Variants in CAPN3 observed in about 807,000 individuals in gnomAD.
CAPN3 encodes the protein calpain-3.
Under a neutral mutation model 114.0 loss-of-function variants are expected in CAPN3, and 88 were observed. That is an observed-to-expected ratio of 0.77 (90% CI 0.65 to 0.92). The LOEUF (loss-of-function observed/expected upper bound fraction) is 0.92, where lower values mean the gene tolerates loss of function less well. Ranked by LOEUF, CAPN3 falls within the 40% of genes least tolerant of loss-of-function variation. The pLI is 0.00. For synonymous variants in CAPN3, 386 were observed against 382.9 expected (o/e 1.01, Z -0.09); for missense variants, 1,028 against 1,069.0 (o/e 0.96, Z 0.53).
At chr15:42,408,785 G>A (rs867991101) in intron 16 of CAPN3, 8 of 323,078 alleles carry the variant, frequency 2.5e-5, no homozygotes, top group African/African-American at 1.3e-4. Context: ...GTGAGCCTTA[G>A]AGGCAAAAGT....
In CAPN3 at chr15:42,408,201, C is replaced by G. The variant is rs200931166; in HGVS notation, c.1801-10C>G. The G allele has an allele frequency of 8.8e-6, 14 of 1,597,508 alleles. No homozygotes were observed. The highest frequency in any genetic ancestry group is 1.2e-5 in the Non-Finnish European group (14 of 1,165,788). On this transcript the variant is annotated splice_polypyrimidine_tract_variant and intron_variant, in intron 15 of 23. Coordinates refer to ENST00000397163, the MANE Select transcript of CAPN3 (RefSeq NM_000070.3). Reference sequence around the variant, plus strand: ...TCCCTTCCTTCCTGCCTCCTCCCTCCTCTCTCCAGCCCATCATCTTCGTTT... The same window carrying G: ...TCCCTTCCTTCCTGCCTCCTCCCTCGTCTCTCCAGCCCATCATCTTCGTTT...
At chr15:42,390,510 G>A (rs1439395268) in intron 6 of CAPN3, among the ~76,000 whole-genome samples, 1 of 151,936 alleles carries the variant, frequency 6.6e-6, no homozygotes, top group African/African-American at 2.4e-5. Context: ...TTCAATATTT[G>A]TGGAAAAAGC....
chr15:42,374,987 AT>A (rs1175653109), intron 1 of CAPN3, among the ~76,000 whole-genome samples: 3 of 28,710 alleles, frequency 1.0e-4, no homozygotes, highest in South Asian at 1.6e-3. Flanking sequence ...TTAAATAAAA[AT>A]TTATTTATTT....
intron 1 of CAPN3, among the ~76,000 whole-genome samples, chr15:42,383,813 T>A (rs1196702631): frequency 6.6e-6 from 1 of 151,768 alleles, no homozygotes; most frequent in Non-Finnish European, 1.5e-5. Context: ...CCTCAAGTGA[T>A]CCACCCGCCT....
chr15:42,410,751 C>G, intron 21 of CAPN3, 85 bp downstream of exon 21: 3 of 1,367,432 alleles, frequency 2.2e-6, no homozygotes, highest in Non-Finnish European at 3.1e-6. Context: ...TAGGGCCCCA[C>G]TAGAGAAAGG....
intron 5 of CAPN3, 99 bp from the exon 6 acceptor site, chr15:42,389,854 C>G (rs1434094438): frequency 8.8e-6 from 11 of 1,251,280 alleles, no homozygotes; most frequent in Non-Finnish European, 1.0e-5. Context: ...CTCCCTTTGT[C>G]TGTCCCATCT....
intron 2 of CAPN3, chr15:42,385,569 A>C: frequency 2.1e-6 from 1 of 465,520 alleles, no homozygotes; most frequent in Admixed American, 2.2e-5. Flanking sequence ...GAAAGAGAGC[A>C]AAGTGTTACC....
chr15:42,407,738 T>C (rs1395979234), intron 15 of CAPN3, among the ~76,000 whole-genome samples: 1 of 152,334 alleles, frequency 6.6e-6, no homozygotes, highest in Admixed American at 6.5e-5. Context: ...ATCTATACTT[T>C]GCAGGGTTGT....
At chr15:42,380,752 T>TATATATATATATATA (rs1491298329) in intron 1 of CAPN3, among the ~76,000 whole-genome samples, 5 of 37,788 alleles carry the variant, frequency 1.3e-4, no homozygotes, top group African/African-American at 7.9e-4. Flanking sequence ...TATATATATA[T>TATATATATATATATA]TTTTTTTTTT....
At chr15:42,380,752 T>TATATATATA (rs1491298329) in intron 1 of CAPN3, among the ~76,000 whole-genome samples, 1 of 37,836 alleles carries the variant, frequency 2.6e-5, no homozygotes, top group Non-Finnish European at 4.2e-5. Flanking sequence ...TATATATATA[T>TATATATATA]TTTTTTTTTT....
chr15:42,366,770 AC>A (rs929713124), intron 1 of CAPN3, among the ~76,000 whole-genome samples: 1 of 147,254 alleles, frequency 6.8e-6, no homozygotes, highest in Non-Finnish European at 1.5e-5. Flanking sequence ...GCTTGTGACG[AC>A]CCCTAACCTG....
intron 1 of CAPN3, among the ~76,000 whole-genome samples, chr15:42,380,625 ATG>A (rs1464517969): frequency 7.0e-6 from 1 of 142,892 alleles, no homozygotes; most frequent in Non-Finnish European, 1.5e-5. Context: ...ATGTATGTAT[ATG>A]TGTGTGTATA....
intron 1 of CAPN3, among the ~76,000 whole-genome samples, chr15:42,373,693 C>T (rs4516202): frequency 0.053 from 7,998 of 152,226 alleles, 650 homozygotes; most frequent in African/African-American, 0.17. Flanking sequence ...CAGGGACTTC[C>T]ATCTGCAGTC....
At position 42,410,541 on chromosome 15, in the gene CAPN3, T is replaced by G. The variant is rs758719267; in HGVS notation, c.2184+45T>G. The G allele has an allele frequency of 6.3e-5, 102 of 1,611,184 alleles. No homozygotes were observed. The East Asian group carries it at 1.6e-3, about 25-fold the overall frequency. On this transcript the variant is annotated intron_variant, in intron 20 of 23. Coordinates refer to ENST00000397163, the MANE Select transcript of CAPN3 (RefSeq NM_000070.3). The stretch of plus-strand genomic sequence containing the variant: ...CGTGGGAGTCAAGAATGGGGTTGAT[T>G]TGGAGATTCAGTGTGTGACCTCCAT...
At chr15:42,407,754 T>C (rs915521057) in intron 15 of CAPN3, among the ~76,000 whole-genome samples, 1 of 152,166 alleles carries the variant, frequency 6.6e-6, no homozygotes, top group Non-Finnish European at 1.5e-5. Context: ...GTTGTAGAGG[T>C]TCCTTTGAGG....
intron 3 of CAPN3, among the ~76,000 whole-genome samples, chr15:42,387,237 T>C (rs1212995236): frequency 6.6e-6 from 1 of 152,226 alleles, no homozygotes; most frequent in Non-Finnish European, 1.5e-5. Context: ...ACATCCAAAC[T>C]TGAAATGATT....
rs555032329 is a variant in CAPN3, at chr15:42,403,636, G to A, written c.1746-105G>A. 28 of 1,066,840 alleles carry A rather than the reference G, an allele frequency of 2.6e-5. No homozygotes were observed. The South Asian group carries it at 3.5e-4, about 13-fold the overall frequency. The allele number at this position is 1,066,840 out of a possible 1,614,324, so 66.1% of individuals were successfully genotyped here. A position where few individuals can be genotyped will look rare whatever the true frequency, so the allele number is the denominator to read the frequency against. ...TGTTCCAGGGGTTCTCTAGAGGCTG[G>A]TTCTGGCTTGGCTGCCAGGAAGCCG... On this transcript the variant is annotated intron_variant, in intron 13 of 23. Coordinates refer to ENST00000397163, the MANE Select transcript of CAPN3 (RefSeq NM_000070.3).
intron 1 of CAPN3, 76 bp downstream of exon 1, chr15:42,360,190 A>C: frequency 3.2e-5 from 49 of 1,520,970 alleles, no homozygotes; most frequent in Non-Finnish European, 4.4e-5. Flanking sequence ...CCGGCAGCTC[A>C]GCTGTGCACA....
intron 1 of CAPN3, among the ~76,000 whole-genome samples, chr15:42,377,195 C>T (rs1264372814): frequency 6.6e-6 from 1 of 152,028 alleles, no homozygotes; most frequent in Non-Finnish European, 1.5e-5. Flanking sequence ...CTAGGACTTC[C>T]AGTAGGACAC....
Sources: gnomAD v4.1 joint callset for allele counts (sites outside exome capture counted in the v4.1 genomes callset) on GRCh38, gnomAD v4.1.1 for gene constraint, MANE v1.5 for transcripts, NCBI Gene and HGNC (gene_info 2026-07-23, HGNC 2026-07-21) for gene names.